The following PAK1 variants were observed in gnomAD, a reference collection of about 807,000 sequenced individuals.
The protein encoded by PAK1 is p21 (RAC1) activated kinase 1.
Under a neutral mutation model 67.4 loss-of-function variants are expected in PAK1, and 29 were observed. The observed-to-expected ratio is 0.43, with a 90% confidence interval of 0.32 to 0.59. The LOEUF (loss-of-function observed/expected upper bound fraction) is 0.59, where lower values mean the gene tolerates loss of function less well. PAK1 is among the 20% of genes least tolerant of loss of function. The pLI, the probability that PAK1 is intolerant of heterozygous loss-of-function variation, is 0.07. For synonymous variants in PAK1, 223 were observed against 237.4 expected (o/e 0.94, Z 0.56); for missense variants, 337 against 670.7 (o/e 0.50, Z 5.50).
At position 77,353,449 on chromosome 11, in the gene PAK1, T is replaced by A. The variant is rs891528180; in HGVS notation, c.836+87A>T. 21 of 877,508 alleles carry A rather than the reference T, an allele frequency of 2.4e-5. No individual in the cohort carries two copies. In the African/African-American group the frequency reaches 3.6e-4, roughly 15 times the overall value. 54.4% of individuals were successfully genotyped at this position (877,508 alleles called of 1,614,324 possible). ...AGTGGAGAAAGAAGAACAAGGTTTA[T>A]GAGAGGCAAAAAAAAAGCAAAATCA... is the stretch of plus-strand genomic sequence containing the variant. On this transcript the variant is annotated intron_variant, in intron 8 of 14. Coordinates refer to ENST00000356341, the MANE Select transcript of PAK1 (RefSeq NM_002576.5).
At chr11:77,447,769 G>A (rs557781453) in intron 1 of PAK1, among the ~76,000 whole-genome samples, 7 of 151,744 alleles carry the variant, frequency 4.6e-5, no homozygotes, top group Non-Finnish European at 8.8e-5. Flanking sequence ...CAGGTGATCC[G>A]CCCACCTCAG....
At chr11:77,386,344 T>C (rs778307031) in intron 2 of PAK1, among the ~76,000 whole-genome samples, 17 of 152,242 alleles carry the variant, frequency 1.1e-4, no homozygotes, top group Non-Finnish European at 1.8e-4. Context: ...AAATTAACTT[T>C]GCTAAACTCT....
intron 1 of PAK1, among the ~76,000 whole-genome samples, chr11:77,429,081 A>AC (rs1565696529): frequency 9.0e-6 from 1 of 110,836 alleles, no homozygotes; most frequent in Non-Finnish European, 1.7e-5. Context: ...AAAAAAAAAA[A>AC]AAAAAAAAAA....
intron 1 of PAK1, among the ~76,000 whole-genome samples, chr11:77,466,161 G>C (rs1261525350): frequency 6.6e-6 from 1 of 152,168 alleles, no homozygotes. Context: ...GGTGAGGGCA[G>C]GGAGTAGGTG....
At position 77,413,215 on chromosome 11, in the gene PAK1, C is replaced by T. The variant is rs890534099; in HGVS notation, c.-21-20674G>A. ...AAGCAGAATGACAAACTCTAACTTACATTTTTTAAAAGATCACTGGCTGTT... is the reference window on the plus strand; with the variant it reads ...AAGCAGAATGACAAACTCTAACTTATATTTTTTAAAAGATCACTGGCTGTT... On this transcript the variant is annotated intron_variant, in intron 1 of 14. Transcript: ENST00000356341. Among the ~76,000 whole-genome samples, 5 of 152,162 alleles carry T rather than the reference C, an allele frequency of 3.3e-5. No individual in the cohort carries two copies. The South Asian group carries it at 8.3e-4, about 25-fold the overall frequency.
intron 1 of PAK1, among the ~76,000 whole-genome samples, chr11:77,428,027 A>T (rs1955646927): frequency 6.6e-6 from 1 of 152,230 alleles, no homozygotes; most frequent in Admixed American, 6.5e-5. Flanking sequence ...AGTGCACAGT[A>T]TACCAAGGAA....
At chr11:77,366,195 C>T (rs1947556507) in intron 5 of PAK1, among the ~76,000 whole-genome samples, 1 of 152,070 alleles carries the variant, frequency 6.6e-6, no homozygotes. Context: ...ACCTGATTTA[C>T]AAGAAATACT....
rs369319058 is a variant in PAK1, at chr11:77,323,756, C to G, written c.1552-396G>C. On this transcript the variant is annotated intron_variant, in intron 14 of 14. Coordinates refer to ENST00000356341, the MANE Select transcript of PAK1 (RefSeq NM_002576.5). ...TAATACTATACAGAAAATTACACAG[C>G]AATACAATAAGTAATTGGTACACTG... is the stretch of plus-strand genomic sequence containing the variant. 4.6e-5 allele frequency among the ~76,000 whole-genome samples: 7 copies of G among 152,204 alleles called. No individual in the cohort carries two copies. In the South Asian group the frequency reaches 1.5e-3, roughly 32 times the overall value.
chr11:77,465,551 A>T (rs1263113100), intron 1 of PAK1, among the ~76,000 whole-genome samples: 1 of 152,078 alleles, frequency 6.6e-6, no homozygotes, highest in African/African-American at 2.4e-5. Flanking sequence ...TTACTTTACA[A>T]ATTACATATG....
In PAK1 at chr11:77,456,995, C is replaced by T. The variant is rs969411459; in HGVS notation, c.-22+16557G>A. On this transcript the variant is annotated intron_variant, in intron 1 of 14. Coordinates refer to ENST00000356341, the MANE Select transcript of PAK1 (RefSeq NM_002576.5). Reference sequence around the variant, plus strand: ...TGACCTTGTGATCCGCCCGCCTCGGCCTCCCAAAGTGCTGGGATTACAGGC... The same window carrying T: ...TGACCTTGTGATCCGCCCGCCTCGGTCTCCCAAAGTGCTGGGATTACAGGC... 2.0e-5 allele frequency among the ~76,000 whole-genome samples: 3 copies of T among 152,272 alleles called. 1 individual carries two copies. In the South Asian group the frequency reaches 6.2e-4, roughly 32 times the overall value.
At chr11:77,368,133 G>T (rs1947863024) in intron 5 of PAK1, among the ~76,000 whole-genome samples, 2 of 152,150 alleles carry the variant, frequency 1.3e-5, no homozygotes, top group African/African-American at 2.4e-5. Flanking sequence ...AGTTCACAAA[G>T]CTCCCTGCAG....
At chr11:77,442,131 A>C (rs1956382059) in intron 1 of PAK1, among the ~76,000 whole-genome samples, 1 of 152,156 alleles carries the variant, frequency 6.6e-6, no homozygotes, top group Non-Finnish European at 1.5e-5. Flanking sequence ...CTGTTTATTA[A>C]AGTTAATTCC....
chr11:77,493,483 C>T, the PAK1 span, among the ~76,000 whole-genome samples: 43 of 114,156 alleles, frequency 3.8e-4, 1 homozygote, highest in East Asian at 9.7e-3. Flanking sequence ...TTAGTAGAGA[C>T]GGTTTCGCCA....
intron 5 of PAK1, among the ~76,000 whole-genome samples, chr11:77,372,657 C>T (rs1022221449): frequency 1.3e-5 from 2 of 152,208 alleles, no homozygotes; most frequent in Non-Finnish European, 2.9e-5. Context: ...CAAACTCCTA[C>T]ATGATCTGTC....
At chr11:77,528,871 A>G in the PAK1 span, among the ~76,000 whole-genome samples, 1 of 152,304 alleles carries the variant, frequency 6.6e-6, no homozygotes, top group South Asian at 2.1e-4. Flanking sequence ...TTATTTTGGC[A>G]AGAATATTTC....
At chr11:77,426,239 C>T (rs2138249379) in intron 1 of PAK1, among the ~76,000 whole-genome samples, 1 of 152,110 alleles carries the variant, frequency 6.6e-6, no homozygotes, top group Middle Eastern at 3.4e-3. Flanking sequence ...GAACCACCAC[C>T]ACCATCTTTT....
At chr11:77,430,854 C>T (rs1297699988) in intron 1 of PAK1, among the ~76,000 whole-genome samples, 1 of 152,092 alleles carries the variant, frequency 6.6e-6, no homozygotes, top group Non-Finnish European at 1.5e-5. Context: ...TCCCCAACTC[C>T]GAAGACCAGT....
chr11:77,377,731 G>C (rs113250000), intron 4 of PAK1, among the ~76,000 whole-genome samples: 91 of 152,250 alleles, frequency 6.0e-4, no homozygotes, highest in African/African-American at 1.9e-3. Context: ...ATACATGCAG[G>C]AAAGATCCTT....
intron 2 of PAK1, among the ~76,000 whole-genome samples, chr11:77,381,171 G>T (rs1949773738): frequency 1.5e-5 from 2 of 133,492 alleles, no homozygotes; most frequent in South Asian, 4.3e-4. Flanking sequence ...GTGTGTGTGT[G>T]TGTGTAGAGA....
Sources: allele counts gnomAD v4.1 joint callset (sites outside exome capture counted in the v4.1 genomes callset), GRCh38; gene constraint gnomAD v4.1.1; transcripts MANE v1.5; gene names NCBI Gene and HGNC (gene_info 2026-07-23, HGNC 2026-07-21).